The following COX10 variants were observed in gnomAD, a reference collection of about 807,000 sequenced individuals.
COX10 encodes cytochrome c oxidase assembly factor heme A:farnesyltransferase COX10.
In COX10, 27 loss-of-function variants were observed where a neutral mutation model predicts 37.3. The observed-to-expected ratio is 0.72, with a 90% confidence interval of 0.53 to 1.00. COX10 has a LOEUF of 1.00. COX10 is among the 50% of genes least tolerant of loss of function. COX10 has a pLI of 0.00. For synonymous variants in COX10, 222 were observed against 229.1 expected, an observed-to-expected ratio of 0.97 and a Z score of 0.28; for missense variants, 475 against 563.2, an observed-to-expected ratio of 0.84 and a Z score of 1.59.
intron 5 of COX10, among the ~76,000 whole-genome samples, chr17:14,185,651 C>T (rs1410337374): frequency 6.6e-6 from 1 of 151,780 alleles, no homozygotes; most frequent in African/African-American, 2.4e-5. Context: ...TATTGCTTGT[C>T]CTCTTTCTAC....
intron 4 of COX10, among the ~76,000 whole-genome samples, chr17:14,104,675 TATTC>T (rs1409228072): frequency 1.3e-5 from 2 of 152,136 alleles, no homozygotes; most frequent in African/African-American, 2.4e-5. Flanking sequence ...TTTTAGCAGT[TATTC>T]ATTTAGTTTT....
At chr17:14,184,516 A>G (rs1449263120) in intron 5 of COX10, among the ~76,000 whole-genome samples, 5 of 152,254 alleles carry the variant, frequency 3.3e-5, no homozygotes, top group African/African-American at 9.6e-5. Flanking sequence ...ATCAACAACT[A>G]TCAAGACTTT....
At chr17:14,175,714 A>G (rs954323928) in intron 5 of COX10, among the ~76,000 whole-genome samples, 1 of 151,844 alleles carries the variant, frequency 6.6e-6, no homozygotes, top group Non-Finnish European at 1.5e-5. Context: ...GTGGGCATCA[A>G]TGGTGCCAAG....
intron 3 of COX10, among the ~76,000 whole-genome samples, chr17:14,079,879 T>C (rs1055857945): frequency 1.4e-5 from 2 of 145,412 alleles, no homozygotes; most frequent in Non-Finnish European, 3.0e-5. Context: ...TATGTATGTA[T>C]ACACACACAC....
At chr17:14,189,060 G>A (rs1246517663) in intron 5 of COX10, among the ~76,000 whole-genome samples, 4 of 139,796 alleles carry the variant, frequency 2.9e-5, no homozygotes, top group Middle Eastern at 3.6e-3. Context: ...TTCACCTCCT[G>A]TTATATATTC....
chr17:14,098,177 C>T lies in COX10; in HGVS notation c.500-3941C>T, dbSNP rs966162946. 5.9e-5 allele frequency among the ~76,000 whole-genome samples: 9 copies of T among 152,052 alleles called. No individual in the cohort carries two copies. In the South Asian group the frequency reaches 8.3e-4, roughly 14 times the overall value. On this transcript the variant is annotated intron_variant, in intron 3 of 6. Transcript: ENST00000261643. Reference sequence around the variant, plus strand: ...ACAGTTGTTTATGAGTAGTAAACAACGCTACGTTTGTGTTCAAGGCCTTAA... The same window carrying T: ...ACAGTTGTTTATGAGTAGTAAACAATGCTACGTTTGTGTTCAAGGCCTTAA...
intron 5 of COX10, among the ~76,000 whole-genome samples, chr17:14,189,082 T>C (rs1029063427): frequency 3.6e-5 from 5 of 139,800 alleles, no homozygotes; most frequent in Non-Finnish European, 8.0e-5. Context: ...TTTTCTTCTT[T>C]TTTTTTTTTT....
chr17:14,073,343 G>A (rs77328029), intron 1 of COX10, among the ~76,000 whole-genome samples: 1,843 of 152,262 alleles, frequency 0.012, 32 homozygotes, highest in African/African-American at 0.042. Context: ...GATAACAGGA[G>A]AGTTCAGGAT....
At chr17:14,092,721 A>G (rs2142193680) in intron 3 of COX10, among the ~76,000 whole-genome samples, 1 of 152,248 alleles carries the variant, frequency 6.6e-6, no homozygotes, top group East Asian at 1.9e-4. Context: ...TAGAAATTCA[A>G]CTATTTGAAG....
intron 5 of COX10, among the ~76,000 whole-genome samples, chr17:14,166,893 C>A (rs1292557482): frequency 6.6e-6 from 1 of 150,924 alleles, no homozygotes; most frequent in Non-Finnish European, 1.5e-5. Context: ...CTCAGCCTCC[C>A]AAAGTGCTGG....
intron 3 of COX10, among the ~76,000 whole-genome samples, chr17:14,091,240 T>C (rs550819009): frequency 6.6e-6 from 1 of 152,286 alleles, no homozygotes; most frequent in South Asian, 2.1e-4. Flanking sequence ...CCCCACTGTG[T>C]TTTTCTTAAA....
At chr17:14,091,202 C>G (rs903968269) in intron 3 of COX10, among the ~76,000 whole-genome samples, 4 of 152,064 alleles carry the variant, frequency 2.6e-5, no homozygotes, top group African/African-American at 9.7e-5. Context: ...ATTTTGTATT[C>G]AGGATAATTG....
At chr17:14,099,235 GA>G (rs960101695) in intron 3 of COX10, among the ~76,000 whole-genome samples, 12 of 152,072 alleles carry the variant, frequency 7.9e-5, no homozygotes, top group African/African-American at 2.4e-4. Context: ...TGAGTTAAAG[GA>G]AGGACCCCTT....
intron 5 of COX10, among the ~76,000 whole-genome samples, chr17:14,162,983 A>C (rs1379171673): frequency 2.0e-5 from 3 of 152,208 alleles, no homozygotes; most frequent in African/African-American, 7.2e-5. Context: ...ATTTGCCTGC[A>C]TTGGCATTCC....
At chr17:14,080,700 C>A (rs1431559371) in intron 3 of COX10, among the ~76,000 whole-genome samples, 2 of 152,108 alleles carry the variant, frequency 1.3e-5, no homozygotes, top group Non-Finnish European at 2.9e-5. Context: ...CTCTTATATT[C>A]TTGGTCATTC....
At chr17:14,094,364 A>G (rs1040762905) in intron 3 of COX10, among the ~76,000 whole-genome samples, 4 of 151,850 alleles carry the variant, frequency 2.6e-5, no homozygotes, top group Non-Finnish European at 4.4e-5. Flanking sequence ...TTACACTGAT[A>G]TATTCATTTT....
chr17:14,073,597 T>C (rs917456834), intron 1 of COX10, among the ~76,000 whole-genome samples: 25 of 152,158 alleles, frequency 1.6e-4, no homozygotes, highest in African/African-American at 6.0e-4. Flanking sequence ...AGAGGGAACA[T>C]GGATACCTTA....
At chr17:14,123,587 A>G (rs539149269) in intron 4 of COX10, among the ~76,000 whole-genome samples, 2 of 152,226 alleles carry the variant, frequency 1.3e-5, no homozygotes, top group Non-Finnish European at 2.9e-5. Context: ...TAAAATTAGG[A>G]AGGCAGTTTG....
chr17:14,105,833 ATAT>A (rs1175892549), intron 4 of COX10, among the ~76,000 whole-genome samples: 2 of 152,076 alleles, frequency 1.3e-5, no homozygotes, highest in Non-Finnish European at 2.9e-5. Context: ...ATTTTGATTT[ATAT>A]TATTATAGAC....
Sources: allele counts gnomAD v4.1 joint callset (sites outside exome capture counted in the v4.1 genomes callset), GRCh38; gene constraint gnomAD v4.1.1; transcripts MANE v1.5; gene names NCBI Gene and HGNC (gene_info 2026-07-23, HGNC 2026-07-21).